NCAPG2: variants seen among roughly 807,000 people sequenced by gnomAD.
NCAPG2 encodes condensin-2 complex subunit G2.
A neutral mutation model predicts 141.1 loss-of-function variants in NCAPG2; 53 were observed. The ratio of observed to expected loss-of-function variants is 0.38; its 90% CI spans 0.30 to 0.47. The LOEUF is 0.47. NCAPG2 is among the 20% of genes least tolerant of loss of function. The probability of loss-of-function intolerance (pLI) is 0.99; values close to 1 mark genes in which losing one functional copy is unlikely to be tolerated. For synonymous variants in NCAPG2, 499 were observed against 490.7 expected (o/e 1.02, Z -0.22); for missense variants, 1,087 against 1,389.0 (o/e 0.78, Z 3.46).
In NCAPG2 at chr7:158,656,390, C is replaced by T. The variant is rs1202185010; in HGVS notation, c.2258G>A (p.Arg753His). The T allele has an allele frequency of 5.6e-6, 9 of 1,614,130 alleles. No individual in the cohort carries two copies. The highest frequency in any genetic ancestry group is 1.1e-5 in the South Asian group (1 of 91,078). The change falls in exon 19 of 28, where the codon CGC becomes CAC. Residue 753 changes from arginine (R) to histidine (H), a missense_variant. Coordinates refer to ENST00000356309, the MANE Select transcript of NCAPG2 (RefSeq NM_017760.7). ...CAATGCCAATTCAGGTTTGACTGGG[C>T]GTGTGTCATGGATCTGCACCCTACC... Reference protein sequence around the residue: ...SKGRVQIHDTRPVKPELALVY... With the variant: ...SKGRVQIHDTHPVKPELALVY...
At chr7:158,695,708 C>T (rs189714042) in intron 2 of NCAPG2, among the ~76,000 whole-genome samples, 9 of 152,232 alleles carry the variant, frequency 5.9e-5, no homozygotes, top group Non-Finnish European at 1.2e-4. Flanking sequence ...GGCATTGCCA[C>T]GACATTAGCA....
intron 27 of NCAPG2, among the ~76,000 whole-genome samples, chr7:158,636,629 C>T (rs1197427898): frequency 4.6e-5 from 7 of 151,856 alleles, no homozygotes; most frequent in South Asian, 2.1e-4. Flanking sequence ...CTTGAACTCC[C>T]GACCTCAGGT....
At chr7:158,655,717 T>G (rs370074136) in intron 19 of NCAPG2, among the ~76,000 whole-genome samples, 1 of 152,284 alleles carries the variant, frequency 6.6e-6, no homozygotes, top group African/African-American at 2.4e-5. Flanking sequence ...CCCTGCCTCA[T>G]GACCAGGCCC....
intron 12 of NCAPG2, among the ~76,000 whole-genome samples, chr7:158,673,613 G>T (rs1328894762): frequency 1.3e-5 from 2 of 152,186 alleles, no homozygotes; most frequent in Admixed American, 1.3e-4. Context: ...TAATCTGCAT[G>T]CTGTGGATAG....
intron 21 of NCAPG2, 175 bp from the exon 22 acceptor site, chr7:158,654,869 T>C: frequency 7.9e-7 from 1 of 1,268,810 alleles, no homozygotes; most frequent in Non-Finnish European, 1.0e-6. Context: ...TTGTAAGAAA[T>C]CTAGAGACAT....
chr7:158,671,735 T>C (rs1833699556), intron 12 of NCAPG2, 69 bp from the exon 13 acceptor site: 4 of 1,534,516 alleles, frequency 2.6e-6, no homozygotes, highest in Non-Finnish European at 3.6e-6. Context: ...GTAGGAAAAC[T>C]TCATTAAAGA....
chr7:158,650,479 C>T (rs569324570), intron 24 of NCAPG2, among the ~76,000 whole-genome samples: 5 of 152,288 alleles, frequency 3.3e-5, no homozygotes, highest in African/African-American at 1.2e-4. Context: ...TTCTGCTCAC[C>T]ACTGATTACA....
intron 12 of NCAPG2, among the ~76,000 whole-genome samples, chr7:158,672,318 ATATATATATATT>A (rs1833774222): frequency 1.4e-4 from 5 of 34,862 alleles, no homozygotes; most frequent in East Asian, 8.3e-4. Context: ...ATATATATAT[ATATATATATATT>A]TTTTTTTTTT....
intron 13 of NCAPG2, chr7:158,667,242 C>G (rs192742714): frequency 1.0e-6 from 1 of 985,040 alleles, no homozygotes. Context: ...GCCCAAACTT[C>G]CTGGTGGGCC....
chr7:158,685,083 T>C (rs976944344), intron 8 of NCAPG2, among the ~76,000 whole-genome samples: 3 of 152,166 alleles, frequency 2.0e-5, no homozygotes, highest in African/African-American at 7.2e-5. Context: ...GAGTAAAAAT[T>C]TTATTCTCAG....
At chr7:158,642,359 G>C (rs146161938) in intron 27 of NCAPG2, among the ~76,000 whole-genome samples, 1 of 152,022 alleles carries the variant, frequency 6.6e-6, no homozygotes, top group South Asian at 2.1e-4. Context: ...AACATAGTGA[G>C]ACCCCATCTC....
intron 17 of NCAPG2, 119 bp downstream of exon 17, chr7:158,658,219 G>A: frequency 1.2e-6 from 1 of 817,288 alleles, no homozygotes; most frequent in Non-Finnish European, 1.8e-6. Flanking sequence ...AGGGCAGAAG[G>A]AAGAGGCCAC....
intron 9 of NCAPG2, among the ~76,000 whole-genome samples, chr7:158,681,105 C>A (rs1432983103): frequency 6.6e-6 from 1 of 152,194 alleles, no homozygotes; most frequent in Non-Finnish European, 1.5e-5. Flanking sequence ...CCAACAGCCA[C>A]ATAACCTCAA....
intron 9 of NCAPG2, among the ~76,000 whole-genome samples, chr7:158,681,104 A>G (rs894519860): frequency 2.6e-5 from 4 of 152,240 alleles, no homozygotes; most frequent in Non-Finnish European, 5.9e-5. Context: ...GCCAACAGCC[A>G]CATAACCTCA....
At chr7:158,641,259 A>G (rs6942491) in intron 27 of NCAPG2, 214,984 of 373,020 alleles carry the variant, frequency 0.58, 63,281 homozygotes, top group Non-Finnish European at 0.61. Context: ...ATAGAAGACA[A>G]TAACAAATAT....
chr7:158,701,740 T>C, intron 2 of NCAPG2, 82 bp downstream of exon 2: 1 of 1,257,650 alleles, frequency 8.0e-7, no homozygotes, highest in Non-Finnish European at 1.1e-6. Flanking sequence ...ATAACTATGT[T>C]TCTTTTGGGG....
chr7:158,698,089 T>C (rs6965953), intron 2 of NCAPG2, among the ~76,000 whole-genome samples: 136,013 of 152,244 alleles, frequency 0.89, 60,821 homozygotes, highest in Admixed American at 0.94. Context: ...AACAAACCTG[T>C]ACATGTAACC....
rs956365976 is a variant in NCAPG2, at chr7:158,693,239, T to C, written c.267+70A>G. ...TCTGTCTTAATGTAAAATTCAATGA[T>C]ACACAGTGAAGTTATTTTTTGACAA... On this transcript the variant is annotated intron_variant, in intron 3 of 27. Transcript: ENST00000356309. 24 of 1,455,680 alleles carry C rather than the reference T, an allele frequency of 1.6e-5. No individual in the cohort carries two copies. The South Asian group carries it at 2.2e-4, about 13-fold the overall frequency. The allele number at this position is 1,455,680 out of a possible 1,614,324, so 90.2% of individuals were successfully genotyped here.
intron 23 of NCAPG2, 123 bp from the exon 24 acceptor site, chr7:158,651,095 T>A (rs186741244): frequency 2.9e-6 from 3 of 1,045,988 alleles, no homozygotes; most frequent in Non-Finnish European, 3.9e-6. Flanking sequence ...TCACTGATCT[T>A]GTTTGCCTGC....
Sources: allele counts gnomAD v4.1 joint callset (sites outside exome capture counted in the v4.1 genomes callset), GRCh38; gene constraint gnomAD v4.1.1; transcripts MANE v1.5; gene names NCBI Gene and HGNC (gene_info 2026-07-23, HGNC 2026-07-21).